C1QTNF7: variants seen among roughly 807,000 people sequenced by gnomAD.
C1QTNF7 encodes C1q and TNF related 7.
Under a neutral mutation model 19.6 loss-of-function variants are expected in C1QTNF7, and 15 were observed. The observed-to-expected ratio is 0.76, with a 90% CI of 0.51 to 1.18. The LOEUF is 1.18. C1QTNF7 is among the 50% of genes most tolerant of loss of function. The pLI is 0.00. For synonymous variants in C1QTNF7, 142 were observed against 137.5 expected (o/e 1.03, Z -0.23); for missense variants, 324 against 359.7 (o/e 0.90, Z 0.80).
At chr4:15,412,140 C>G (rs1719425780) in intron 1 of C1QTNF7, among the ~76,000 whole-genome samples, 1 of 152,152 alleles carries the variant, frequency 6.6e-6, no homozygotes, top group South Asian at 2.1e-4. Context: ...ATGATCTGTC[C>G]TGGCTCTGAT....
chr4:15,427,592 C>T (rs1160865758), upstream of C1QTNF7, among the ~76,000 whole-genome samples: 1 of 152,192 alleles, frequency 6.6e-6, no homozygotes, highest in Non-Finnish European at 1.5e-5. Flanking sequence ...AGAATAGGGA[C>T]AGTGTTCATT....
At chr4:15,436,454 T>C (rs1712542125) in intron 2 of C1QTNF7, among the ~76,000 whole-genome samples, 1 of 152,230 alleles carries the variant, frequency 6.6e-6, no homozygotes, top group Non-Finnish European at 1.5e-5. Context: ...GATGCATAGA[T>C]GCCATCCTGC....
At chr4:15,340,631 G>A (rs774913221) in intron 1 of C1QTNF7, among the ~76,000 whole-genome samples, 4 of 152,106 alleles carry the variant, frequency 2.6e-5, no homozygotes, top group Non-Finnish European at 5.9e-5. Context: ...TCCCAAGGAA[G>A]ATTTTAATAT....
At chr4:15,372,192 C>T (rs1717759481) in intron 1 of C1QTNF7, among the ~76,000 whole-genome samples, 1 of 152,164 alleles carries the variant, frequency 6.6e-6, no homozygotes. Context: ...TTGTGTCACC[C>T]CAAAATTCAT....
At chr4:15,407,100 C>T (rs963059388) in intron 1 of C1QTNF7, among the ~76,000 whole-genome samples, 4 of 152,082 alleles carry the variant, frequency 2.6e-5, no homozygotes, top group Non-Finnish European at 5.9e-5. Context: ...GACCAAGCGG[C>T]TCTTAATTAT....
chr4:15,375,050 T>C (rs992148841), intron 1 of C1QTNF7, among the ~76,000 whole-genome samples: 23 of 152,032 alleles, frequency 1.5e-4, no homozygotes, highest in African/African-American at 5.3e-4. Context: ...TTCATAGCTA[T>C]AGATCCATAC....
chr4:15,409,083 T>C (rs534886273), intron 1 of C1QTNF7, among the ~76,000 whole-genome samples: 5 of 152,326 alleles, frequency 3.3e-5, no homozygotes, highest in African/African-American at 1.2e-4. Flanking sequence ...AGATCAATTT[T>C]CAATTCCACT....
chr4:15,416,462 C>G (rs1028142898), intron 1 of C1QTNF7, among the ~76,000 whole-genome samples: 7 of 152,136 alleles, frequency 4.6e-5, no homozygotes, highest in African/African-American at 1.4e-4. Flanking sequence ...CAAACCAACC[C>G]CCACTTAGAG....
chr4:15,427,295 AT>A, upstream of C1QTNF7, among the ~76,000 whole-genome samples: 1 of 152,348 alleles, frequency 6.6e-6, no homozygotes, highest in East Asian at 1.9e-4. Context: ...GACATCATAA[AT>A]TATATATTGC....
chr4:15,440,715 GT>G (rs996144530), intron 2 of C1QTNF7, among the ~76,000 whole-genome samples: 5 of 151,810 alleles, frequency 3.3e-5, no homozygotes, highest in South Asian at 2.1e-4. Flanking sequence ...CCAGAAGCAA[GT>G]TTTTTTTACC....
chr4:15,428,091 A>G lies in C1QTNF7; in HGVS notation c.-24A>G, dbSNP rs1712135012. ...TGGATTTAGAATCCTGCAGCAGCCC[A>G]CCATCTAAGAGCAAGGTATGGTGTT... On this transcript the variant is annotated 5_prime_UTR_variant, in exon 1 of 3. Coordinates refer to ENST00000444304, the MANE Select transcript of C1QTNF7 (RefSeq NM_031911.5). 2.0e-6 allele frequency: 2 copies of G among 985,212 alleles called. No homozygotes were observed. Among genetic ancestry groups the G allele is most frequent in the Non-Finnish European group, 2.4e-6 (2 of 829,840 alleles). 61.0% of individuals were successfully genotyped at this position (985,212 alleles called of 1,614,324 possible).
upstream of C1QTNF7, among the ~76,000 whole-genome samples, chr4:15,427,155 T>C (rs1712087976): frequency 6.6e-6 from 1 of 152,168 alleles, no homozygotes; most frequent in Non-Finnish European, 1.5e-5. Flanking sequence ...GTTGGTCAAG[T>C]GTGTGGTCAA....
At chr4:15,357,880 C>A (rs892991893) in intron 1 of C1QTNF7, among the ~76,000 whole-genome samples, 1 of 152,150 alleles carries the variant, frequency 6.6e-6, no homozygotes, top group African/African-American at 2.4e-5. Flanking sequence ...ATTTTCCTCT[C>A]TGTTTGTCTA....
intron 1 of C1QTNF7, among the ~76,000 whole-genome samples, chr4:15,411,712 A>G (rs1049869482): frequency 3.9e-5 from 6 of 152,248 alleles, no homozygotes; most frequent in African/African-American, 1.4e-4. Context: ...GTAATTTTCT[A>G]TAACGGCTAT....
intron 1 of C1QTNF7, among the ~76,000 whole-genome samples, chr4:15,345,559 T>C (rs748303790): frequency 1.3e-5 from 2 of 152,218 alleles, no homozygotes; most frequent in Non-Finnish European, 2.9e-5. Context: ...TCAATAAAAC[T>C]CTTCCTGTTC....
intron 1 of C1QTNF7, among the ~76,000 whole-genome samples, chr4:15,342,153 G>A (rs1345462384): frequency 2.0e-5 from 3 of 152,240 alleles, no homozygotes; most frequent in African/African-American, 7.2e-5. Flanking sequence ...GGGCGCTGAT[G>A]AGAGAGGCCC....
intron 1 of C1QTNF7, among the ~76,000 whole-genome samples, chr4:15,345,136 C>T (rs986409379): frequency 1.3e-5 from 2 of 152,156 alleles, no homozygotes; most frequent in African/African-American, 2.4e-5. Context: ...AATCTGATTC[C>T]AAGAGTCTAT....
chr4:15,432,796 G>C (rs1236267911), intron 1 of C1QTNF7, among the ~76,000 whole-genome samples: 3 of 152,146 alleles, frequency 2.0e-5, no homozygotes, highest in Admixed American at 1.3e-4. Context: ...TCCTATACAG[G>C]CAGTAGTATT....
At chr4:15,393,989 G>A (rs762479267) in intron 1 of C1QTNF7, among the ~76,000 whole-genome samples, 8 of 152,192 alleles carry the variant, frequency 5.3e-5, no homozygotes, top group Non-Finnish European at 1.2e-4. Flanking sequence ...GAGGGGGTGT[G>A]TAGGGCCAAG....
Sources: gnomAD v4.1 joint callset for allele counts (sites outside exome capture counted in the v4.1 genomes callset) on GRCh38, gnomAD v4.1.1 for gene constraint, MANE v1.5 for transcripts, NCBI Gene and HGNC (gene_info 2026-07-23, HGNC 2026-07-21) for gene names.